OCA2: variants seen among roughly 807,000 people sequenced by gnomAD.
OCA2 encodes the protein OCA2 melanosomal transmembrane protein.
In OCA2, 77 loss-of-function variants were observed where a neutral mutation model predicts 100.2. The observed-to-expected ratio is 0.77, with a 90% CI of 0.64 to 0.93. The LOEUF is 0.93. Ranked by LOEUF, OCA2 falls within the 40% of genes least tolerant of loss-of-function variation. The probability of loss-of-function intolerance (pLI) is 0.00; values close to 1 mark genes in which losing one functional copy is unlikely to be tolerated. For synonymous variants in OCA2, 432 were observed against 439.2 expected, an observed-to-expected ratio of 0.98 and a Z score of 0.21; for missense variants, 1,062 against 1,089.1, an observed-to-expected ratio of 0.98 and a Z score of 0.35.
intron 19 of OCA2, among the ~76,000 whole-genome samples, chr15:27,897,512 G>A (rs982121162): frequency 6.6e-6 from 1 of 152,250 alleles, no homozygotes; most frequent in African/African-American, 2.4e-5. Flanking sequence ...TTCACGTGCT[G>A]TTGAGCCTGC....
intron 19 of OCA2, among the ~76,000 whole-genome samples, chr15:27,899,932 G>T (rs57544109): frequency 0.022 from 3,349 of 152,106 alleles, 130 homozygotes; most frequent in African/African-American, 0.078. Context: ...AGCAATTTTT[G>T]CCCCCTGTCT....
intron 19 of OCA2, among the ~76,000 whole-genome samples, chr15:27,884,626 A>G (rs2037152825): frequency 6.6e-6 from 1 of 152,198 alleles, no homozygotes; most frequent in Non-Finnish European, 1.5e-5. Context: ...TTGGAATCAG[A>G]GATCCATTTA....
At chr15:27,977,337 T>C (rs1483647593) in intron 14 of OCA2, among the ~76,000 whole-genome samples, 1 of 152,206 alleles carries the variant, frequency 6.6e-6, no homozygotes, top group South Asian at 2.1e-4. Context: ...TTGAGACACA[T>C]CTTTTCAAAT....
intron 19 of OCA2, among the ~76,000 whole-genome samples, chr15:27,884,873 G>A (rs917834579): frequency 6.6e-6 from 1 of 152,092 alleles, no homozygotes; most frequent in African/African-American, 2.4e-5. Flanking sequence ...TTCCCCAAAG[G>A]CAAGAAGAAT....
At chr15:27,904,109 C>T (rs2038073531) in intron 19 of OCA2, among the ~76,000 whole-genome samples, 1 of 152,166 alleles carries the variant, frequency 6.6e-6, no homozygotes, top group Admixed American at 6.5e-5. Flanking sequence ...GTCATAGCTC[C>T]CGTTCTCATT....
At chr15:28,069,363 CCTCTCCCTCTCCCTCT>C (rs2044126319) in intron 2 of OCA2, among the ~76,000 whole-genome samples, 1 of 12,968 alleles carries the variant, frequency 7.7e-5, no homozygotes, top group African/African-American at 6.0e-4. Flanking sequence ...CTGCCCTCTC[CCTCTCCCTCTCCCTCT>C]CCCTCCCCCT....
intron 23 of OCA2, among the ~76,000 whole-genome samples, chr15:27,814,503 G>A (rs1008426137): frequency 2.0e-5 from 3 of 152,144 alleles, no homozygotes; most frequent in African/African-American, 4.8e-5. Context: ...TAAAGTATGA[G>A]GTACTTAAAA....
chr15:28,077,474 C>T (rs2044469632), intron 2 of OCA2, among the ~76,000 whole-genome samples: 1 of 152,152 alleles, frequency 6.6e-6, no homozygotes, highest in Non-Finnish European at 1.5e-5. Flanking sequence ...ACGTATTCCT[C>T]TAACAAAAGG....
chr15:27,984,956 C>T, intron 13 of OCA2, 108 bp downstream of exon 13: 1 of 1,376,524 alleles, frequency 7.3e-7, no homozygotes, highest in South Asian at 1.2e-5. Context: ...TCAACCGCCC[C>T]CACCTTTTCA....
chr15:27,811,459 A>G (rs908415268), intron 23 of OCA2, among the ~76,000 whole-genome samples: 1 of 152,198 alleles, frequency 6.6e-6, no homozygotes. Flanking sequence ...AGAATCCACC[A>G]CTATATAATT....
chr15:27,822,924 T>C (rs2034559386), intron 23 of OCA2, among the ~76,000 whole-genome samples: 1 of 152,218 alleles, frequency 6.6e-6, no homozygotes, highest in South Asian at 2.1e-4. Context: ...TACTCTTCAG[T>C]GCTTTTGGGG....
intron 18 of OCA2, among the ~76,000 whole-genome samples, chr15:27,932,546 T>C (rs1013458191): frequency 1.3e-5 from 2 of 152,170 alleles, no homozygotes; most frequent in African/African-American, 2.4e-5. Context: ...GAAAGGCCCA[T>C]GCTCAGAAAA....
chr15:27,881,924 G>A (rs2037034870), intron 19 of OCA2, among the ~76,000 whole-genome samples: 1 of 152,076 alleles, frequency 6.6e-6, no homozygotes, highest in Non-Finnish European at 1.5e-5. Context: ...TTTAGGGTTT[G>A]TTTGCTCTTG....
chr15:28,047,458 A>G (rs1045767660), intron 2 of OCA2, among the ~76,000 whole-genome samples: 1 of 152,072 alleles, frequency 6.6e-6, no homozygotes, highest in African/African-American at 2.4e-5. Context: ...ATACAGACAG[A>G]CCTCATGTCA....
intron 23 of OCA2, among the ~76,000 whole-genome samples, chr15:27,797,360 C>T (rs2033388307): frequency 6.6e-6 from 1 of 152,112 alleles, no homozygotes; most frequent in African/African-American, 2.4e-5. Context: ...AGAGCACAAA[C>T]CGTACCCTCC....
intron 23 of OCA2, 93 bp downstream of exon 23, chr15:27,844,866 G>A: frequency 3.3e-6 from 3 of 907,320 alleles, no homozygotes; most frequent in Non-Finnish European, 3.6e-6. Context: ...CTAAAAATAT[G>A]CTTATTTTAG....
intron 2 of OCA2, among the ~76,000 whole-genome samples, chr15:28,041,847 A>C (rs1411997641): frequency 6.6e-6 from 1 of 152,222 alleles, no homozygotes; most frequent in Middle Eastern, 3.2e-3. Flanking sequence ...TAAGGCTCAA[A>C]ACCAAGACAC....
intron 2 of OCA2, among the ~76,000 whole-genome samples, chr15:28,045,269 T>C (rs966995803): frequency 1.3e-5 from 2 of 152,236 alleles, no homozygotes; most frequent in Non-Finnish European, 2.9e-5. Flanking sequence ...AATGATATTA[T>C]ACCCATTGCT....
intron 9 of OCA2, among the ~76,000 whole-genome samples, chr15:27,992,420 G>A (rs11630828): frequency 0.6 from 91,649 of 152,064 alleles, 31,822 homozygotes; most frequent in Non-Finnish European, 0.79. Context: ...CCATTTTAAG[G>A]ATACTTCCTT....
Sources: gnomAD v4.1 joint callset for allele counts (sites outside exome capture counted in the v4.1 genomes callset) on GRCh38, gnomAD v4.1.1 for gene constraint, MANE v1.5 for transcripts, NCBI Gene and HGNC (gene_info 2026-07-23, HGNC 2026-07-21) for gene names.